The following ASAP1 variants were observed in gnomAD, a reference collection of about 807,000 sequenced individuals.
ASAP1 encodes ArfGAP with SH3 domain, ankyrin repeat and PH domain 1.
A neutral mutation model predicts 145.2 loss-of-function variants in ASAP1; 43 were observed. The observed-to-expected ratio is 0.30, with a 90% CI of 0.23 to 0.38. The LOEUF (loss-of-function observed/expected upper bound fraction) is 0.38. Among genes scored for constraint, ASAP1 ranks in the 10% least tolerant of loss-of-function variants. The pLI, the probability that ASAP1 is intolerant of heterozygous loss-of-function variation, is 1.00. For missense variants in ASAP1, 1,018 were observed against 1,355.3 expected (o/e 0.75, Z 3.91); for synonymous variants, 546 against 515.5 (o/e 1.06, Z -0.80).
At chr8:130,076,802 G>C (rs1335799888) in intron 26 of ASAP1, among the ~76,000 whole-genome samples, 1 of 152,176 alleles carries the variant, frequency 6.6e-6, no homozygotes, top group Non-Finnish European at 1.5e-5. Context: ...TTACAGGCAT[G>C]AGCCACTGTG....
intron 2 of ASAP1, among the ~76,000 whole-genome samples, chr8:130,400,049 A>G (rs1193347570): frequency 6.6e-6 from 1 of 152,048 alleles, no homozygotes; most frequent in Non-Finnish European, 1.5e-5. Context: ...CGAACTCCCA[A>G]CCTCAGGTGA....
Position 130,170,851 on chromosome 8 carries a change from C to T in ASAP1, c.747-1784G>A, listed in dbSNP as rs570073848. 2.1e-4 allele frequency among the ~76,000 whole-genome samples: 32 copies of T among 152,044 alleles called. No individual in the cohort carries two copies. The South Asian group carries it at 6.4e-3, about 31-fold the overall frequency. On this transcript the variant is annotated intron_variant, in intron 9 of 29. Transcript: ENST00000518721. ...CTCCCATCTCAGCCTTCTGAGTAGC[C>T]GGGACTACAGAGGCACCCCACCATG...
intron 15 of ASAP1, among the ~76,000 whole-genome samples, chr8:130,129,276 C>T (rs542001644): frequency 5.3e-5 from 8 of 152,256 alleles, no homozygotes; most frequent in Admixed American, 1.3e-4. Flanking sequence ...AGTGTGAGAA[C>T]GGGCTAATAG....
chr8:130,153,309 C>A (rs963354236), intron 12 of ASAP1, among the ~76,000 whole-genome samples: 2 of 136,696 alleles, frequency 1.5e-5, no homozygotes, highest in African/African-American at 5.6e-5. Context: ...TGAGCCACAG[C>A]ACCTGGCCAG....
intron 3 of ASAP1, among the ~76,000 whole-genome samples, chr8:130,342,540 T>A (rs957683899): frequency 6.6e-6 from 1 of 152,080 alleles, no homozygotes; most frequent in Non-Finnish European, 1.5e-5. Flanking sequence ...AGAGGCCCAA[T>A]ATACCCAGAA....
rs1435331983 is a variant in ASAP1, at chr8:130,361,568, A to G, written c.60-3425T>C. 10 of 914,914 alleles carry G rather than the reference A, an allele frequency of 1.1e-5. No individual in the cohort carries two copies. In the East Asian group the frequency reaches 1.6e-4, roughly 14 times the overall value. 56.7% of individuals were successfully genotyped at this position (914,914 alleles called of 1,614,324 possible). On this transcript the variant is annotated intron_variant, in intron 2 of 29. Coordinates refer to ENST00000518721, the MANE Select transcript of ASAP1 (RefSeq NM_018482.4). ...TGCTCCTCCCCCATCTCCTTTGGCC[A>G]AGAAAGGAATATGCTCACAATGAGA...
intron 7 of ASAP1, among the ~76,000 whole-genome samples, chr8:130,184,306 A>T (rs1814568101): frequency 6.6e-6 from 1 of 152,244 alleles, no homozygotes; most frequent in Non-Finnish European, 1.5e-5. Context: ...ATCCTCGTCT[A>T]CCACAGCAAT....
intron 1 of ASAP1, among the ~76,000 whole-genome samples, chr8:130,410,008 G>A (rs1829196816): frequency 6.6e-6 from 1 of 152,210 alleles, no homozygotes; most frequent in African/African-American, 2.4e-5. Flanking sequence ...TATCATCTGG[G>A]TGTGAACACA....
chr8:130,228,194 A>T (rs1298260474), intron 4 of ASAP1, among the ~76,000 whole-genome samples: 3 of 152,170 alleles, frequency 2.0e-5, no homozygotes, highest in Non-Finnish European at 2.9e-5. Flanking sequence ...TTCCTGTCAG[A>T]GTAGAGATCA....
chr8:130,441,379 A>G (rs964675525), intron 1 of ASAP1, among the ~76,000 whole-genome samples: 2 of 152,134 alleles, frequency 1.3e-5, no homozygotes, highest in Admixed American at 1.3e-4. Flanking sequence ...GACTGTTACT[A>G]TTGCTCACGT....
intron 3 of ASAP1, among the ~76,000 whole-genome samples, chr8:130,352,559 T>C (rs1826062221): frequency 6.6e-6 from 1 of 152,230 alleles, no homozygotes; most frequent in South Asian, 2.1e-4. Context: ...CACAGAAGTC[T>C]GACTGGCCTG....
intron 2 of ASAP1, among the ~76,000 whole-genome samples, chr8:130,370,168 G>A (rs1458681335): frequency 3.3e-5 from 5 of 152,176 alleles, no homozygotes; most frequent in African/African-American, 1.2e-4. Flanking sequence ...CAAGCATGGT[G>A]GCGCACACAT....
At chr8:130,251,418 A>T (rs1466895190) in intron 3 of ASAP1, among the ~76,000 whole-genome samples, 2 of 152,106 alleles carry the variant, frequency 1.3e-5, no homozygotes, top group Non-Finnish European at 1.5e-5. Context: ...ACTCTGTCTT[A>T]AAATAAATAA....
At chr8:130,326,837 T>C (rs1339688570) in intron 3 of ASAP1, among the ~76,000 whole-genome samples, 1 of 152,182 alleles carries the variant, frequency 6.6e-6, no homozygotes, top group Non-Finnish European at 1.5e-5. Context: ...AAAATGACCT[T>C]ATAGAATATA....
intron 13 of ASAP1, among the ~76,000 whole-genome samples, chr8:130,138,758 C>T (rs2097601641): frequency 6.7e-6 from 1 of 149,580 alleles, no homozygotes; most frequent in Admixed American, 6.7e-5. Context: ...ATCGCTTGAA[C>T]TTGGGAGGTG....
intron 27 of ASAP1, among the ~76,000 whole-genome samples, chr8:130,065,367 G>C (rs2097428505): frequency 2.0e-5 from 3 of 152,158 alleles, no homozygotes. Flanking sequence ...TAGCTTTCTA[G>C]AAGCTCCTTG....
chr8:130,159,838 A>C (rs913434998), intron 12 of ASAP1, 26 bp downstream of exon 12: 1 of 1,561,764 alleles, frequency 6.4e-7, no homozygotes, highest in Admixed American at 1.7e-5. Flanking sequence ...TCACACACTG[A>C]GACACTGGGC....
At chr8:130,316,541 G>C (rs1823673446) in intron 3 of ASAP1, among the ~76,000 whole-genome samples, 1 of 152,210 alleles carries the variant, frequency 6.6e-6, no homozygotes, top group African/African-American at 2.4e-5. Context: ...ATAAATACTA[G>C]TGTTATTTAT....
chr8:130,276,718 A>ACTCTCTCT (rs1820909354), intron 3 of ASAP1, among the ~76,000 whole-genome samples: 35 of 126,226 alleles, frequency 2.8e-4, no homozygotes, highest in African/African-American at 1.0e-3. Context: ...ACACACACAC[A>ACTCTCTCT]CACACACACA....
Sources: allele counts gnomAD v4.1 joint callset (sites outside exome capture counted in the v4.1 genomes callset), GRCh38; gene constraint gnomAD v4.1.1; transcripts MANE v1.5; gene names NCBI Gene and HGNC (gene_info 2026-07-23, HGNC 2026-07-21).